The following UBE2O variants were observed in gnomAD, a reference collection of about 807,000 sequenced individuals.
UBE2O encodes ubiquitin conjugating enzyme E2 O.
Under a neutral mutation model 125.8 loss-of-function variants are expected in UBE2O, and 15 were observed. The observed-to-expected ratio is 0.12, with a 90% CI of 0.08 to 0.18. The LOEUF is 0.18. Ranked by LOEUF, UBE2O falls within the 10% of genes least tolerant of loss-of-function variation. The pLI is 1.00. For missense variants in UBE2O, 1,280 were observed against 1,723.6 expected, an observed-to-expected ratio of 0.74 and a Z score of 4.56; for synonymous variants, 708 against 703.2, an observed-to-expected ratio of 1.01 and a Z score of -0.11.
chr17:76,431,242 T>G (rs2072902217), intron 1 of UBE2O: 1 of 155,190 alleles, frequency 6.4e-6, no homozygotes, highest in African/African-American at 2.4e-5. Context: ...CCGGCCACGG[T>G]GGCTCATGCC....
rs1355789696 is a variant in UBE2O at position 76,410,835 on chromosome 17, C to G, written c.418-5263G>C. On this transcript the variant is annotated intron_variant, in intron 1 of 17. Transcript: ENST00000319380. The surrounding 1 kb of genome is among the most constrained non-coding windows in gnomAD (Gnocchi z 4.0). ...CTGAGCTGCAGTCTTGAGGCTGACC[C>G]CCAATAACACAGCAAAAGCAACTAG... Among the ~76,000 whole-genome samples the G allele has an allele frequency of 6.6e-6, 1 of 152,152 alleles. No individual in the cohort carries two copies.
chr17:76,452,941 C>A lies in UBE2O; in HGVS notation c.201G>T (p.Ser67=). Residue 67 remains serine (S), a synonymous_variant, in exon 1 of 18, where the codon TCG becomes TCT. Transcript: ENST00000319380. The surrounding 1 kb of genome is among the most constrained non-coding windows in gnomAD (Gnocchi z 4.4). ...QRLLFSHDLV[S]GRYRGSVHFG... ...AGTGCACGGAGCCACGGTAACGGCC[C>A]GACACCAGGTCGTGAGAAAACAGCA... is the stretch of plus-strand genomic sequence containing the variant. The A allele has an allele frequency of 1.3e-6, 2 of 1,497,800 alleles. No homozygotes were observed. The highest frequency in any genetic ancestry group is 2.5e-5 in the South Asian group (2 of 78,980). 92.8% of individuals were successfully genotyped at this position (1,497,800 alleles called of 1,614,324 possible).
intron 1 of UBE2O, among the ~76,000 whole-genome samples, chr17:76,427,804 A>C (rs1324617077): frequency 6.6e-6 from 1 of 152,132 alleles, no homozygotes; most frequent in Non-Finnish European, 1.5e-5. Flanking sequence ...CTCCCTTGAC[A>C]TTTCTCTGAT....
chr17:76,397,719 C>T (rs1253003471), intron 13 of UBE2O, 80 bp downstream of exon 13: 1 of 1,383,598 alleles, frequency 7.2e-7, no homozygotes, highest in East Asian at 2.3e-5. Flanking sequence ...GAGAGCCCAT[C>T]TTCTGGCTAC....
chr17:76,442,191 G>A (rs948625612), intron 1 of UBE2O, among the ~76,000 whole-genome samples: 1 of 152,158 alleles, frequency 6.6e-6, no homozygotes, highest in Admixed American at 6.6e-5. Context: ...AGTCTGCCTG[G>A]GGAGCCCGCG....
intron 1 of UBE2O, among the ~76,000 whole-genome samples, chr17:76,406,692 GTTTTT>G (rs66834782): frequency 9.9e-5 from 7 of 70,910 alleles, no homozygotes; most frequent in African/African-American, 3.0e-4. Flanking sequence ...AGCCCAAGTT[GTTTTT>G]TTTTTTTTTT....
intron 1 of UBE2O, among the ~76,000 whole-genome samples, chr17:76,443,939 G>T (rs765291512): frequency 6.6e-6 from 1 of 152,224 alleles, no homozygotes; most frequent in Non-Finnish European, 1.5e-5. Context: ...GGGCATGGTC[G>T]GCCAGGCGCG....
chr17:76,432,364 T>G (rs1361488543), intron 1 of UBE2O, among the ~76,000 whole-genome samples: 1 of 152,096 alleles, frequency 6.6e-6, no homozygotes, highest in Non-Finnish European at 1.5e-5. Context: ...TCAAAAGAAA[T>G]AGATTGTATG....
intron 1 of UBE2O, chr17:76,430,581 C>T (rs1016303605): frequency 1.1e-5 from 3 of 279,236 alleles, no homozygotes; most frequent in Non-Finnish European, 1.5e-5. Context: ...GCAGATGATG[C>T]CATATTGACC....
intron 1 of UBE2O, among the ~76,000 whole-genome samples, chr17:76,444,230 G>GCAAAACAAAA (rs375071440): frequency 7.9e-5 from 12 of 151,360 alleles, no homozygotes; most frequent in African/African-American, 2.9e-4. Context: ...CACAAACAAA[G>GCAAAACAAAA]CAAAACAAAA....
rs1270100150 is a variant in UBE2O at position 76,402,045 on chromosome 17, C to T, written c.750+19G>A. The T allele has an allele frequency of 3.1e-6, 5 of 1,612,866 alleles. No individual in the cohort carries two copies. Among genetic ancestry groups the T allele is most frequent in the Non-Finnish European group, 4.2e-6 (5 of 1,179,614 alleles). Reference sequence around the variant, plus strand: ...CTGAGCAATCAGAGAAGGGTGCTGGCCTGGATGGAGCACACTACCGAGTCG... The same window carrying T: ...CTGAGCAATCAGAGAAGGGTGCTGGTCTGGATGGAGCACACTACCGAGTCG... On this transcript the variant is annotated intron_variant, in intron 5 of 17. Transcript: ENST00000319380. This position sits in a 1 kb window ranked among gnomAD's most constrained non-coding sequence, Gnocchi z 5.4.
rs1369703699 is a variant in UBE2O, at chr17:76,391,464, G to A, written c.3358C>T (p.Pro1120Ser). ...QSMTQLVRRP[P>S]EVFEQEIRQH... is the part of the protein sequence containing the mutation. ...CTGATCTCCTGCTCAAAGACCTCGG[G>A]GGGCCGCCGCACCAGCTGGGTCATG... Residue 1120 changes from proline to serine, a missense_variant, in exon 18 of 18, where the codon CCC (proline) becomes TCC (serine). Around this residue, in one of 10 missense-constraint regions of UBE2O, gnomAD observed 233 missense variants for 279.0 expected, o/e 0.84. Coordinates refer to ENST00000319380, the MANE Select transcript of UBE2O (RefSeq NM_022066.4). The surrounding 1 kb of genome is among the most constrained non-coding windows in gnomAD (Gnocchi z 8.4). 6.2e-7 allele frequency: 1 copy of A among 1,613,774 alleles called. No homozygotes were observed. The highest frequency in any genetic ancestry group is 8.5e-7 in the Non-Finnish European group (1 of 1,180,012).
chr17:76,421,219 T>C (rs2072705013), intron 1 of UBE2O, among the ~76,000 whole-genome samples: 2 of 152,050 alleles, frequency 1.3e-5, no homozygotes, highest in Admixed American at 1.3e-4. Context: ...AGCCCAACCG[T>C]AGGGAAACAC....
At chr17:76,411,964 T>C (rs346807) in intron 1 of UBE2O, among the ~76,000 whole-genome samples, 10,152 of 152,210 alleles carry the variant, frequency 0.067, 428 homozygotes, top group South Asian at 0.13. Context: ...ATTACAGGCG[T>C]GAGCCACTGT....
At chr17:76,415,349 A>AG (rs1459829875) in intron 1 of UBE2O, among the ~76,000 whole-genome samples, 1 of 152,124 alleles carries the variant, frequency 6.6e-6, no homozygotes, top group Non-Finnish European at 1.5e-5. Context: ...ATTCCACAGG[A>AG]GACTGGGTGG....
At chr17:76,451,396 C>A (rs528601986) in intron 1 of UBE2O, among the ~76,000 whole-genome samples, 6 of 152,316 alleles carry the variant, frequency 3.9e-5, no homozygotes, top group Admixed American at 1.3e-4. Context: ...ATTCACATTT[C>A]TCTGAGGGGA....
At position 76,405,423 on chromosome 17, in the gene UBE2O, C is replaced by T; in HGVS notation, c.477+90G>A. 6.6e-7 allele frequency: 1 copy of T among 1,511,880 alleles called. No homozygotes were observed. Among genetic ancestry groups the T allele is most frequent in the South Asian group, 1.2e-5 (1 of 85,580 alleles). The allele number at this position is 1,511,880 out of a possible 1,614,324, so 93.7% of individuals were successfully genotyped here. A position where few individuals can be genotyped will look rare whatever the true frequency, so the allele number is the denominator to read the frequency against. On this transcript the variant is annotated intron_variant, in intron 2 of 17. Transcript: ENST00000319380. This position sits in a 1 kb window ranked among gnomAD's most constrained non-coding sequence, Gnocchi z 6.1. The stretch of plus-strand genomic sequence containing the variant: ...GCACCCCCTGCAGAGCTGGCCAGTT[C>T]TCCCACATGCAGAGTGCGAGGTGGG...
chr17:76,397,201 G>A (rs948365905), intron 13 of UBE2O, among the ~76,000 whole-genome samples: 12 of 152,226 alleles, frequency 7.9e-5, no homozygotes, highest in Non-Finnish European at 2.9e-5. Context: ...TGGGGAGCTG[G>A]GAACATATGA....
rs946133232 is a variant in UBE2O at position 76,404,702 on chromosome 17, C to T, written c.588+504G>A. 6.6e-6 allele frequency among the ~76,000 whole-genome samples: 1 copy of T among 151,092 alleles called. No homozygotes were observed. The highest frequency in any genetic ancestry group is 2.4e-5 in the African/African-American group (1 of 41,068). On this transcript the variant is annotated intron_variant, in intron 3 of 17. Coordinates refer to ENST00000319380, the MANE Select transcript of UBE2O (RefSeq NM_022066.4). This position sits in a 1 kb window ranked among gnomAD's most constrained non-coding sequence, Gnocchi z 4.3. ...AAACACACAAGAGGTGTGTGTATTC[C>T]GGGGTGGGTGACAGGGCATCACATC...
Sources: allele counts gnomAD v4.1 joint callset (sites outside exome capture counted in the v4.1 genomes callset), GRCh38; gene constraint gnomAD v4.1.1; regional missense constraint gnomAD v4.1.1; non-coding constraint Gnocchi (gnomAD v3.1); transcripts MANE v1.5; gene names NCBI Gene and HGNC (gene_info 2026-07-23, HGNC 2026-07-21).